Variants in DDX10 observed in about 807,000 individuals in gnomAD.
The protein encoded by DDX10 is DEAD-box helicase 10, also known as probable ATP-dependent RNA helicase DDX10.
DDX10 carries 74 observed loss-of-function variants against 104.3 expected under a neutral mutation model. The ratio of observed to expected loss-of-function variants is 0.71; its 90% CI spans 0.59 to 0.86. DDX10 has a LOEUF of 0.86. Among genes scored for constraint, DDX10 ranks in the 40% least tolerant of loss-of-function variants. The probability of loss-of-function intolerance (pLI) is 0.00; values close to 1 mark genes in which losing one functional copy is unlikely to be tolerated. For missense variants in DDX10, 952 were observed against 1,040.0 expected, an observed-to-expected ratio of 0.92 and a Z score of 1.16; for synonymous variants, 351 against 353.4, an observed-to-expected ratio of 0.99 and a Z score of 0.08.
intron 10 of DDX10, among the ~76,000 whole-genome samples, chr11:108,714,603 G>A (rs906566559): frequency 2.0e-5 from 3 of 150,374 alleles, no homozygotes; most frequent in African/African-American, 7.4e-5. Context: ...TGGAGAACTT[G>A]TTAACTTCAG....
At chr11:108,918,154 C>T in intron 17 of DDX10, 136 bp downstream of exon 17, 1 of 825,978 alleles carries the variant, frequency 1.2e-6, no homozygotes, top group Non-Finnish European at 1.9e-6. Flanking sequence ...ACTTAGATTC[C>T]TGGAAATCCT....
chr11:108,780,108 G>A (rs1378491740), intron 13 of DDX10, among the ~76,000 whole-genome samples: 1 of 152,150 alleles, frequency 6.6e-6, no homozygotes, highest in African/African-American at 2.4e-5. Flanking sequence ...GACATTTAAT[G>A]GTAGATGAGG....
chr11:108,742,684 T>G (rs896135171), intron 13 of DDX10, among the ~76,000 whole-genome samples: 1 of 151,956 alleles, frequency 6.6e-6, no homozygotes, highest in Non-Finnish European at 1.5e-5. Context: ...AAGATACAAA[T>G]AAACACAATC....
intron 9 of DDX10, among the ~76,000 whole-genome samples, chr11:108,695,195 G>A (rs2094258034): frequency 6.6e-6 from 1 of 152,182 alleles, no homozygotes; most frequent in Admixed American, 6.5e-5. Flanking sequence ...TTGTCTTGCT[G>A]ATGTTTGTAG....
chr11:108,690,202 G>A lies in DDX10; in HGVS notation c.975+1140G>A, dbSNP rs187752067. ...TAAACTTCACATCTCCTAAAGAAGAGTTAGTTGGTTTTGGCATCTAGGTGC... is the reference window on the plus strand; with the variant it reads ...TAAACTTCACATCTCCTAAAGAAGAATTAGTTGGTTTTGGCATCTAGGTGC... On this transcript the variant is annotated intron_variant, in intron 7 of 17. Transcript: ENST00000322536. 5 of 152,376 alleles carry A rather than the reference G, an allele frequency of 3.3e-5. No homozygotes were observed. The East Asian group carries it at 9.6e-4, about 29-fold the overall frequency. 9.4% of individuals were successfully genotyped at this position (152,376 alleles called of 1,614,324 possible).
chr11:108,862,006 ATCTC>A lies in DDX10; in HGVS notation c.2304+9808_2304+9811del, dbSNP rs368071902. Among the ~76,000 whole-genome samples the A allele has an allele frequency of 3.5e-3, 525 of 151,642 alleles. 4 individuals are homozygous for A. Among genetic ancestry groups the A allele is most frequent in the South Asian group, 0.027 (129 of 4,782 alleles). The stretch of plus-strand genomic sequence containing the variant: ...TGCACCACCGCACTCCAGCCAAAAA[ATCTC>A]TCTCTCTCTCCCTTTCATCAATCTA... On this transcript the variant is annotated intron_variant, in intron 16 of 17. Transcript: ENST00000322536.
At chr11:108,844,160 AT>A (rs904386174) in intron 15 of DDX10, among the ~76,000 whole-genome samples, 51 of 148,334 alleles carry the variant, frequency 3.4e-4, no homozygotes, top group African/African-American at 8.1e-4. Context: ...GAGTCACAGT[AT>A]TTTTTTTTTT....
intron 16 of DDX10, among the ~76,000 whole-genome samples, chr11:108,891,481 C>T (rs911207280): frequency 6.6e-6 from 1 of 152,138 alleles, no homozygotes; most frequent in African/African-American, 2.4e-5. Context: ...CACATTCTTT[C>T]AATAATTAGA....
At chr11:108,801,417 A>C (rs968999356) in intron 13 of DDX10, among the ~76,000 whole-genome samples, 1 of 152,186 alleles carries the variant, frequency 6.6e-6, no homozygotes, top group Non-Finnish European at 1.5e-5. Flanking sequence ...AAAGTTCTCA[A>C]CTTATGAAAT....
chr11:108,809,573 G>A (rs1371990176), intron 13 of DDX10, among the ~76,000 whole-genome samples: 1 of 152,162 alleles, frequency 6.6e-6, no homozygotes, highest in Non-Finnish European at 1.5e-5. Context: ...ATGGAAGAGT[G>A]GAGTCTGGGG....
intron 16 of DDX10, among the ~76,000 whole-genome samples, chr11:108,910,736 T>C (rs1268994502): frequency 1.6e-3 from 2 of 1,272 alleles, no homozygotes; most frequent in Admixed American, 0.017. Context: ...TGCGTGTGTG[T>C]GTGTGTGTGT....
At chr11:108,926,873 G>A (rs1863915633) in intron 17 of DDX10, among the ~76,000 whole-genome samples, 2 of 152,286 alleles carry the variant, frequency 1.3e-5, no homozygotes, top group South Asian at 4.1e-4. Context: ...TCATGTATTA[G>A]GTTTAAATTA....
At chr11:108,740,616 G>T (rs1233594032) in intron 13 of DDX10, among the ~76,000 whole-genome samples, 1 of 152,038 alleles carries the variant, frequency 6.6e-6, no homozygotes, top group Non-Finnish European at 1.5e-5. Flanking sequence ...GTATATAAGT[G>T]CTCCCTTTTC....
chr11:108,939,411 G>T (rs1281868444), intron 17 of DDX10, among the ~76,000 whole-genome samples: 2 of 152,188 alleles, frequency 1.3e-5, no homozygotes, highest in African/African-American at 4.8e-5. Context: ...GAATATAAAT[G>T]ACATAATCTA....
At chr11:108,744,864 A>G (rs2094329409) in intron 13 of DDX10, among the ~76,000 whole-genome samples, 2 of 152,264 alleles carry the variant, frequency 1.3e-5, no homozygotes, top group South Asian at 4.2e-4. Flanking sequence ...ATCTTTCTGG[A>G]GTAGTGGAGA....
chr11:108,796,319 T>C (rs764168730), intron 13 of DDX10, among the ~76,000 whole-genome samples: 3 of 152,224 alleles, frequency 2.0e-5, no homozygotes, highest in Non-Finnish European at 4.4e-5. Flanking sequence ...ATGACAAAAC[T>C]CTTGTGTTCT....
chr11:108,918,994 A>G (rs906147353), intron 17 of DDX10: 1 of 152,238 alleles, frequency 6.6e-6, no homozygotes, highest in African/African-American at 2.4e-5. Context: ...TTGGAGAAGT[A>G]GGCCATAGAG....
At chr11:108,675,561 C>A (rs761815663) in intron 2 of DDX10, 35 bp from the exon 3 acceptor site, 2 of 1,606,734 alleles carry the variant, frequency 1.2e-6, no homozygotes, top group South Asian at 2.2e-5. Context: ...CTACAGGGAT[C>A]TTCTAAAGTA....
intron 16 of DDX10, among the ~76,000 whole-genome samples, chr11:108,880,832 A>G (rs1213385649): frequency 6.6e-6 from 1 of 152,198 alleles, no homozygotes; most frequent in African/African-American, 2.4e-5. Flanking sequence ...GTGGTACTTA[A>G]AGCTGTATTT....
Sources: allele counts gnomAD v4.1 joint callset (sites outside exome capture counted in the v4.1 genomes callset), GRCh38; gene constraint gnomAD v4.1.1; transcripts MANE v1.5; gene names NCBI Gene and HGNC (gene_info 2026-07-23, HGNC 2026-07-21).